The following PLK3 variants were observed in gnomAD, a reference collection of about 807,000 sequenced individuals.
PLK3 encodes serine/threonine-protein kinase PLK3.
In PLK3, 41 loss-of-function variants were observed where a neutral mutation model predicts 71.6. That is an observed-to-expected ratio of 0.57 (90% CI 0.45 to 0.74). The LOEUF (loss-of-function observed/expected upper bound fraction) is 0.74. PLK3 is among the 30% of genes least tolerant of loss of function. PLK3 has a pLI of 0.00. For missense variants in PLK3, 791 were observed against 875.6 expected, an observed-to-expected ratio of 0.90 and a Z score of 1.22; for synonymous variants, 366 against 355.4, an observed-to-expected ratio of 1.03 and a Z score of -0.33.
At chr1:44,801,231 A>C in intron 3 of PLK3, 79 bp downstream of exon 3, 1 of 711,442 alleles carries the variant, frequency 1.4e-6, no homozygotes, top group Non-Finnish European at 2.1e-6. Flanking sequence ...TTTTTTTGAG[A>C]TGGAGTCTTG....
chr1:44,802,561 A>AGAGCAGCT (rs1327311930), intron 5 of PLK3, among the ~76,000 whole-genome samples, 199 bp from the exon 6 acceptor site: 4 of 152,196 alleles, frequency 2.6e-5, no homozygotes, highest in East Asian at 3.9e-4. Context: ...CCTGTCATGA[A>AGAGCAGCT]GAGCAGCTGA....
chr1:44,801,253 AG>A, intron 3 of PLK3, 101 bp downstream of exon 3: 2 of 691,362 alleles, frequency 2.9e-6, no homozygotes, highest in Non-Finnish European at 4.5e-6. Flanking sequence ...TCTGTTGCCC[AG>A]GCTGGAGTGC....
intron 3 of PLK3, 127 bp downstream of exon 3, chr1:44,801,279 G>A: frequency 1.6e-6 from 1 of 627,934 alleles, no homozygotes; most frequent in Non-Finnish European, 2.7e-6. Context: ...GCGCGATCTC[G>A]GCTCACTGCA....
chr1:44,801,951 G>A lies in PLK3; in HGVS notation c.653+19G>A. On this transcript the variant is annotated intron_variant, in intron 5 of 14. Transcript: ENST00000372201. ...GGAAGAAGTGAGTTTTGAGGAAAGG[G>A]GCCCTGTGTGTGATACAGATGACAT... The A allele has an allele frequency of 6.3e-7, 1 of 1,583,904 alleles. No homozygotes were observed. Among genetic ancestry groups the A allele is most frequent in the Non-Finnish European group, 8.6e-7 (1 of 1,156,124 alleles).
Position 44,800,694 on chromosome 1 carries a change from G to T in PLK3, c.210+21G>T. ...GCAAGGTGGGCCGAGGGACGTCCGC[G>T]GGGTGGTGATGGTGGAGGTGGGGGT... is the stretch of plus-strand genomic sequence containing the variant. On this transcript the variant is annotated intron_variant, in intron 1 of 14. Transcript: ENST00000372201. The surrounding 1 kb of genome is among the most constrained non-coding windows in gnomAD (Gnocchi z 6.5). 1 of 1,550,388 alleles carries T rather than the reference G, an allele frequency of 6.4e-7. No homozygotes were observed. Among genetic ancestry groups the T allele is most frequent in the Non-Finnish European group, 8.7e-7 (1 of 1,152,042 alleles).
chr1:44,800,437 G>C lies in PLK3; in HGVS notation c.-27G>C, dbSNP rs1420373761. 2.0e-5 allele frequency: 26 copies of C among 1,319,192 alleles called. No homozygotes were observed. The East Asian group carries it at 7.8e-4, about 40-fold the overall frequency. The allele number at this position is 1,319,192 out of a possible 1,614,324, so 81.7% of individuals were successfully genotyped here. A position where few individuals can be genotyped will look rare whatever the true frequency, so the allele number is the denominator to read the frequency against. ...CGGGGCCGGGCGGAACCGAGAAGCC[G>C]GGACCGCGCTGCGACGCGCCGGCCG... On this transcript the variant is annotated 5_prime_UTR_variant, in exon 1 of 15. Coordinates refer to ENST00000372201, the MANE Select transcript of PLK3 (RefSeq NM_004073.4). This position sits in a 1 kb window ranked among gnomAD's most constrained non-coding sequence, Gnocchi z 6.5.
In PLK3 at chr1:44,801,103, T is replaced by A; in HGVS notation, c.386T>A (p.Phe129Tyr). 1 of 1,613,612 alleles carries A rather than the reference T, an allele frequency of 6.2e-7. No individual in the cohort carries two copies. The highest frequency in any genetic ancestry group is 8.5e-7 in the Non-Finnish European group (1 of 1,179,898). Residue 129 changes from phenylalanine (F) to tyrosine (Y), a missense_variant, in exon 3 of 15, where the codon TTT becomes TAT. Coordinates refer to ENST00000372201, the MANE Select transcript of PLK3 (RefSeq NM_004073.4). Reference sequence around the variant, plus strand: ...CACATCGTGCGTTTTTCGCACCACTTTGAGGACGCTGACAACATCTACATT... The same window carrying A: ...CACATCGTGCGTTTTTCGCACCACTATGAGGACGCTGACAACATCTACATT... ...HRHIVRFSHH[F>Y]EDADNIYIFL...
In PLK3 at chr1:44,803,802, T is replaced by A; in HGVS notation, c.1164+111T>A. The A allele has an allele frequency of 8.9e-7, 1 of 1,120,686 alleles. No homozygotes were observed. The highest frequency in any genetic ancestry group is 2.0e-5 in the Admixed American group (1 of 50,234). 69.4% of individuals were successfully genotyped at this position (1,120,686 alleles called of 1,614,324 possible). ...GCATCCAGCCTCGTGGTGGCCTAAT[T>A]GGCTGTGTGTCACCAGCCTGGCGGG... On this transcript the variant is annotated intron_variant, in intron 9 of 14. Transcript: ENST00000372201. This position sits in a 1 kb window ranked among gnomAD's most constrained non-coding sequence, Gnocchi z 4.3.
At chr1:44,802,679 C>G in intron 5 of PLK3, 81 bp from the exon 6 acceptor site, 1 of 952,826 alleles carries the variant, frequency 1.0e-6, no homozygotes, top group Admixed American at 1.8e-5. Flanking sequence ...GCTGCTTTGT[C>G]TGGACTAACA....
intron 3 of PLK3, 49 bp downstream of exon 3, chr1:44,801,201 G>GTTTT (rs1277009425): frequency 5.3e-6 from 3 of 563,758 alleles, no homozygotes; most frequent in Non-Finnish European, 9.3e-6. Context: ...AGAGAAGACA[G>GTTTT]TCTTTTTTTT....
chr1:44,804,554 G>T (rs1179800271), intron 12 of PLK3, 53 bp downstream of exon 12: 1 of 1,604,876 alleles, frequency 6.2e-7, no homozygotes, highest in Non-Finnish European at 8.5e-7. Context: ...CAGCAGGGCC[G>T]CACCCTCGTG....
intron 13 of PLK3, chr1:44,805,060 C>T (rs1448404545): frequency 8.6e-6 from 5 of 583,674 alleles, no homozygotes; most frequent in African/African-American, 1.9e-5. Context: ...GCAGAGATGG[C>T]GCACCATTGC....
At position 44,804,057 on chromosome 1, in the gene PLK3, G is replaced by A. The variant is rs547298800; in HGVS notation, c.1258+33G>A. On this transcript the variant is annotated intron_variant, in intron 10 of 14. Coordinates refer to ENST00000372201, the MANE Select transcript of PLK3 (RefSeq NM_004073.4). ...GCCAGGGAGGATGAGAGGTGATAGA[G>A]GTTGCTGGAGCTGAGATCAGGGGCG... 8.4e-6 allele frequency: 13 copies of A among 1,545,138 alleles called. No individual in the cohort carries two copies. In the African/African-American group the frequency reaches 1.6e-4, roughly 19 times the overall value.
chr1:44,804,898 G>A, intron 13 of PLK3, 119 bp downstream of exon 13: 1 of 891,928 alleles, frequency 1.1e-6, no homozygotes, highest in South Asian at 1.6e-5. Flanking sequence ...GAGGTCAGGA[G>A]ATCGAGACCA....
At position 44,800,402 on chromosome 1, in the gene PLK3, C is replaced by T. The variant is rs924801697; in HGVS notation, c.-62C>T. 2 of 1,244,376 alleles carry T rather than the reference C, an allele frequency of 1.6e-6. No individual in the cohort carries two copies. Among genetic ancestry groups the T allele is most frequent in the African/African-American group, 1.6e-5 (1 of 63,020 alleles). The allele number at this position is 1,244,376 out of a possible 1,614,324, so 77.1% of individuals were successfully genotyped here. On this transcript the variant is annotated 5_prime_UTR_variant, in exon 1 of 15. Transcript: ENST00000372201. The surrounding 1 kb of genome is among the most constrained non-coding windows in gnomAD (Gnocchi z 6.5). ...GCAGCGTAGCAAATCCAGGCAGCGCCACGCGCGGCCGGGGCCGGGCGGAAC... is the reference window on the plus strand; with the variant it reads ...GCAGCGTAGCAAATCCAGGCAGCGCTACGCGCGGCCGGGGCCGGGCGGAAC...
In PLK3 at chr1:44,804,358, C is replaced by T. The variant is rs764451924; in HGVS notation, c.1362C>T (p.Pro454=). Residue 454 remains proline (P), a synonymous_variant, in exon 12 of 15, where the codon CCC becomes CCT. Coordinates refer to ENST00000372201, the MANE Select transcript of PLK3 (RefSeq NM_004073.4). ...TGACAGCGGAACAGAACCCGGCCCC[C>T]CTGGCCCAGCCAGAGCCTCTGGTGT... ...FMPPAEQNPA[P]LAQPEPLVWV... is the part of the protein sequence containing the mutation. 1 of 1,613,922 alleles carries T rather than the reference C, an allele frequency of 6.2e-7. No individual in the cohort carries two copies. The highest frequency in any genetic ancestry group is 8.5e-7 in the Non-Finnish European group (1 of 1,180,008).
rs1055585145 is a variant in PLK3, at chr1:44,802,982, C to T, written c.777C>T (p.Pro259=). 8.1e-6 allele frequency: 13 copies of T among 1,613,916 alleles called. No homozygotes were observed. The African/African-American group carries it at 1.3e-4, about 17-fold the overall frequency. The change falls in exon 7 of 15, where the codon CCC becomes CCT. Residue 259 remains proline (P), a synonymous_variant. Transcript: ENST00000372201. ...VMYTLLCGSP[P]FETADLKETY... is the part of the protein sequence containing the mutation. The stretch of plus-strand genomic sequence containing the variant: ...ACACGCTGCTCTGCGGGAGCCCTCC[C>T]TTTGAGACGGCTGACCTGAAGGAGA...
chr1:44,803,403 G>T lies in PLK3; in HGVS notation c.1072+12G>T. 6.2e-7 allele frequency: 1 copy of T among 1,613,924 alleles called. No homozygotes were observed. Among genetic ancestry groups the T allele is most frequent in the Non-Finnish European group, 8.5e-7 (1 of 1,179,972 alleles). On this transcript the variant is annotated intron_variant, in intron 8 of 14. Coordinates refer to ENST00000372201, the MANE Select transcript of PLK3 (RefSeq NM_004073.4). This position sits in a 1 kb window ranked among gnomAD's most constrained non-coding sequence, Gnocchi z 4.3. ...CAGAAAGAAGAAGAGTGAGTCTGGGGTGTCAGTGGGTTGAGGGGGCAGAGC... is the reference window on the plus strand; with the variant it reads ...CAGAAAGAAGAAGAGTGAGTCTGGGTTGTCAGTGGGTTGAGGGGGCAGAGC...
intron 14 of PLK3, 39 bp downstream of exon 14, chr1:44,805,418 GCC>G (rs1651993100): frequency 6.2e-7 from 1 of 1,605,716 alleles, no homozygotes; most frequent in South Asian, 1.1e-5. Flanking sequence ...GGTCTGGGAG[GCC>G]CAGGGTGCTG....
Sources: gnomAD v4.1 joint callset for allele counts (sites outside exome capture counted in the v4.1 genomes callset) on GRCh38, gnomAD v4.1.1 for gene constraint, Gnocchi (gnomAD v3.1) non-coding constraint, MANE v1.5 for transcripts, NCBI Gene and HGNC (gene_info 2026-07-23, HGNC 2026-07-21) for gene names.